The following CAMTA1 variants were observed in gnomAD, a reference collection of about 807,000 sequenced individuals.
The protein encoded by CAMTA1 is calmodulin-binding transcription activator 1.
A neutral mutation model predicts 170.9 loss-of-function variants in CAMTA1; 27 were observed. That is an observed-to-expected ratio of 0.16 (90% CI 0.12 to 0.22). The LOEUF (loss-of-function observed/expected upper bound fraction) is 0.22. Among genes scored for constraint, CAMTA1 ranks in the 10% least tolerant of loss-of-function variants. The probability of loss-of-function intolerance (pLI) is 1.00; values close to 1 mark genes in which losing one functional copy is unlikely to be tolerated. For missense variants in CAMTA1, 1,619 were observed against 2,217.2 expected, an observed-to-expected ratio of 0.73 and a Z score of 5.42; for synonymous variants, 833 against 891.5, an observed-to-expected ratio of 0.93 and a Z score of 1.17.
chr1:7,418,184 T>C (rs2149298511), intron 5 of CAMTA1, among the ~76,000 whole-genome samples: 1 of 152,268 alleles, frequency 6.6e-6, no homozygotes, highest in Admixed American at 6.5e-5. Context: ...CTCTTTCTGC[T>C]CTTCAACACT....
intron 3 of CAMTA1, among the ~76,000 whole-genome samples, chr1:7,019,458 C>G (rs903723439): frequency 7.2e-5 from 11 of 152,316 alleles, no homozygotes; most frequent in African/African-American, 2.6e-4. Context: ...CTGGTGAGGG[C>G]AGCTCCTGGT....
chr1:7,121,045 T>C (rs1644611343), intron 4 of CAMTA1, among the ~76,000 whole-genome samples: 1 of 152,252 alleles, frequency 6.6e-6, no homozygotes, highest in South Asian at 2.1e-4. Context: ...ATCTAGCCTC[T>C]GTACTGCCTC....
chr1:7,139,512 A>T (rs1645771374), intron 4 of CAMTA1, among the ~76,000 whole-genome samples: 2 of 151,736 alleles, frequency 1.3e-5, no homozygotes, highest in African/African-American at 2.4e-5. Context: ...TTAAGCTCGC[A>T]GTTTAAGAGC....
intron 5 of CAMTA1, among the ~76,000 whole-genome samples, chr1:7,256,452 C>G (rs1355454397): frequency 1.3e-5 from 2 of 152,044 alleles, no homozygotes; most frequent in Non-Finnish European, 2.9e-5. Context: ...CCCAGCTACT[C>G]GGGAGGCTGA....
rs147357203 is a variant in CAMTA1 at position 7,638,599 on chromosome 1, G to C, written c.511-1801G>C. Among the ~76,000 whole-genome samples, 1,304 of 151,930 alleles carry C rather than the reference G, an allele frequency of 8.6e-3. 22 individuals are homozygous for C. The highest frequency in any genetic ancestry group is 0.03 in the African/African-American group (1,252 of 41,424). ...GGAGGTTGCAGTGAGCCGATATTAG[G>C]CCACTGCACTCCAGCCTAGGTGACA... On this transcript the variant is annotated intron_variant, in intron 6 of 22. Coordinates refer to ENST00000303635, the MANE Select transcript of CAMTA1 (RefSeq NM_015215.4).
At chr1:7,655,290 AC>A (rs1459773346) in intron 7 of CAMTA1, among the ~76,000 whole-genome samples, 3 of 143,328 alleles carry the variant, frequency 2.1e-5, no homozygotes, top group Non-Finnish European at 3.1e-5. Context: ...TTATACACAC[AC>A]ACACCTATAC....
At chr1:6,982,172 G>A (rs1007847373) in intron 3 of CAMTA1, among the ~76,000 whole-genome samples, 1 of 152,184 alleles carries the variant, frequency 6.6e-6, no homozygotes, top group Non-Finnish European at 1.5e-5. Context: ...AGCACATGCT[G>A]CTTCTCCAGC....
At chr1:6,865,855 G>A (rs1177347407) in intron 3 of CAMTA1, among the ~76,000 whole-genome samples, 2 of 152,176 alleles carry the variant, frequency 1.3e-5, no homozygotes, top group African/African-American at 2.4e-5. Flanking sequence ...GTTCAAGGAC[G>A]GCGTGATTTT....
chr1:7,644,453 C>T (rs1348373270), intron 7 of CAMTA1, among the ~76,000 whole-genome samples: 2 of 152,158 alleles, frequency 1.3e-5, no homozygotes, highest in African/African-American at 4.8e-5. Context: ...ATAACAGTGG[C>T]TTCAATGAAA....
intron 11 of CAMTA1, among the ~76,000 whole-genome samples, chr1:7,711,219 T>A (rs2096568412): frequency 6.6e-6 from 1 of 152,170 alleles, no homozygotes; most frequent in Non-Finnish European, 1.5e-5. Context: ...CTGGGGTCCC[T>A]TTTATAAGGG....
intron 5 of CAMTA1, among the ~76,000 whole-genome samples, chr1:7,280,483 T>C (rs2149451794): frequency 6.6e-6 from 1 of 152,216 alleles, no homozygotes; most frequent in South Asian, 2.1e-4. Flanking sequence ...CACTGCTGAG[T>C]GTAATGGTGG....
At chr1:7,053,097 AG>A (rs1196771201) in intron 3 of CAMTA1, among the ~76,000 whole-genome samples, 2 of 152,188 alleles carry the variant, frequency 1.3e-5, no homozygotes, top group African/African-American at 4.8e-5. Context: ...GGGCGGCTGG[AG>A]GGATGGACCC....
chr1:7,632,987 G>A (rs775177750), intron 6 of CAMTA1, among the ~76,000 whole-genome samples: 1 of 152,218 alleles, frequency 6.6e-6, no homozygotes, highest in African/African-American at 2.4e-5. Context: ...GCTGCTGGGG[G>A]CCAGGCCCGT....
intron 3 of CAMTA1, among the ~76,000 whole-genome samples, chr1:6,922,353 A>G (rs1256106887): frequency 1.3e-5 from 2 of 151,944 alleles, no homozygotes; most frequent in Admixed American, 6.6e-5. Context: ...GTGTGAAACA[A>G]CAGTCATTTA....
chr1:7,613,582 A>G (rs2095538177), intron 6 of CAMTA1, among the ~76,000 whole-genome samples: 1 of 152,162 alleles, frequency 6.6e-6, no homozygotes, highest in Non-Finnish European at 1.5e-5. Flanking sequence ...GGAGGTGGTG[A>G]CAAATTGGGG....
intron 5 of CAMTA1, among the ~76,000 whole-genome samples, chr1:7,252,711 G>C (rs1666814482): frequency 6.6e-6 from 1 of 152,184 alleles, no homozygotes; most frequent in Non-Finnish European, 1.5e-5. Context: ...CTGCTGGTTG[G>C]GGTGGACAGT....
intron 5 of CAMTA1, among the ~76,000 whole-genome samples, chr1:7,340,808 C>T (rs1056809945): frequency 6.6e-6 from 1 of 152,054 alleles, no homozygotes; most frequent in African/African-American, 2.4e-5. Flanking sequence ...TCAGAGCCTA[C>T]TCTGCACCAA....
rs377684384 is a variant in CAMTA1 at position 7,663,660 on chromosome 1, C to T, written c.1113C>T (p.Asp371=). 2.5e-6 allele frequency: 4 copies of T among 1,614,074 alleles called. No homozygotes were observed. The African/African-American group carries it at 4.0e-5, about 16-fold the overall frequency. ...GCAGCGGGCTCAACAGCGACCCGGA[C>T]ATGGTGGACAGCCCGGTGGTCACAG... ...SISSGLNSDP[D]MVDSPVVTGV... The change falls in exon 9 of 23, where the codon GAC becomes GAT. Residue 371 remains aspartate, a synonymous_variant. Transcript: ENST00000303635.
chr1:7,294,003 A>T (rs1673554832), intron 5 of CAMTA1, among the ~76,000 whole-genome samples: 1 of 152,222 alleles, frequency 6.6e-6, no homozygotes. Context: ...GGGGAAGCAC[A>T]GTTGTGTCCA....
Sources: gnomAD v4.1 joint callset for allele counts (sites outside exome capture counted in the v4.1 genomes callset) on GRCh38, gnomAD v4.1.1 for gene constraint, MANE v1.5 for transcripts, NCBI Gene and HGNC (gene_info 2026-07-23, HGNC 2026-07-21) for gene names.